Variants in MEGF8 observed in about 807,000 individuals in gnomAD.
The protein encoded by MEGF8 is multiple EGF like domains 8.
MEGF8 carries 156 observed loss-of-function variants against 302.9 expected under a neutral mutation model. The observed-to-expected ratio is 0.52, with a 90% CI of 0.45 to 0.59. The LOEUF (loss-of-function observed/expected upper bound fraction) is 0.59, where lower values mean the gene tolerates loss of function less well. Ranked by LOEUF, MEGF8 falls within the 20% of genes least tolerant of loss-of-function variation. The pLI, the probability that MEGF8 is intolerant of heterozygous loss-of-function variation, is 0.00. For synonymous variants in MEGF8, 1,621 were observed against 1,660.5 expected, an observed-to-expected ratio of 0.98 and a Z score of 0.58; for missense variants, 3,345 against 3,964.5, an observed-to-expected ratio of 0.84 and a Z score of 4.20.
At position 42,356,316 on chromosome 19, in the gene MEGF8, T is replaced by A; in HGVS notation, c.4504-19T>A. 1 of 1,605,664 alleles carries A rather than the reference T, an allele frequency of 6.2e-7. No homozygotes were observed. Among genetic ancestry groups the A allele is most frequent in the Non-Finnish European group, 8.5e-7 (1 of 1,176,692 alleles). On this transcript the variant is annotated intron_variant, in intron 25 of 41. Coordinates refer to ENST00000251268, the MANE Select transcript of MEGF8 (RefSeq NM_001271938.2). The surrounding 1 kb of genome is among the most constrained non-coding windows in gnomAD (Gnocchi z 5.2). Reference sequence around the variant, plus strand: ...GTCCTGACCCTAGCCTGATCCCCAATGTCCGCACCCACCCCTAGGACACTG... The same window carrying A: ...GTCCTGACCCTAGCCTGATCCCCAAAGTCCGCACCCACCCCTAGGACACTG...
chr19:42,334,030 T>TG lies in MEGF8; in HGVS notation c.376dup (p.Ala126GlyfsTer9). On this transcript the variant is annotated frameshift_variant, in exon 3 of 42. Coordinates refer to ENST00000251268, the MANE Select transcript of MEGF8 (RefSeq NM_001271938.2). LOFTEE classifies it high-confidence loss of function. ...AGATGCTGCTGCACCTCTTCAGTGA[T>TG]GCCAACTACAACCTGCTGGGCTTTA... 6.2e-7 allele frequency: 1 copy of TG among 1,613,838 alleles called. No individual in the cohort carries two copies. Among genetic ancestry groups the TG allele is most frequent in the Non-Finnish European group, 8.5e-7 (1 of 1,179,832 alleles).
At position 42,368,534 on chromosome 19, in the gene MEGF8, C is replaced by T. The variant is rs752470473; in HGVS notation, c.6353C>T (p.Ser2118Phe). ...GRLLRGPESC[S>F]LGCAQATQCA... The stretch of plus-strand genomic sequence containing the variant: ...CTGCTCCGGGGACCTGAGAGCTGCT[C>T]CCTGGGCTGTGCTCAGGCAACTCAG... The change falls in exon 36 of 42, where the codon TCC becomes TTC. Residue 2118 changes from serine (S) to phenylalanine (F), a missense_variant. Transcript: ENST00000251268. The surrounding 1 kb of genome is among the most constrained non-coding windows in gnomAD (Gnocchi z 4.9). The T allele has an allele frequency of 1.9e-6, 3 of 1,605,494 alleles. No homozygotes were observed. The highest frequency in any genetic ancestry group is 2.5e-6 in the Non-Finnish European group (3 of 1,176,766).
Position 42,349,583 on chromosome 19 carries a change from C to A in MEGF8, c.2383C>A (p.Pro795Thr), listed in dbSNP as rs919236826. 14 of 1,611,796 alleles carry A rather than the reference C, an allele frequency of 8.7e-6. No homozygotes were observed. In the African/African-American group the frequency reaches 1.7e-4, roughly 20 times the overall value. The change falls in exon 14 of 42, where the codon CCT becomes ACT. Residue 795 changes from proline (P) to threonine (T), a missense_variant. Physicochemically the swap from Pro to Thr is conservative, Grantham distance 38. Coordinates refer to ENST00000251268, the MANE Select transcript of MEGF8 (RefSeq NM_001271938.2). ...RPGSARLFPLPGRDHKYAVEI... is the reference protein window; with the variant it reads ...RPGSARLFPLTGRDHKYAVEI... ...TGGGTCTGCTCGCCTCTTCCCTCTG[C>A]CTGGGCGGGACCACAAGTATGCAGT...
chr19:42,331,301 G>A (rs1291886827), intron 1 of MEGF8, among the ~76,000 whole-genome samples: 4 of 152,186 alleles, frequency 2.6e-5, no homozygotes, highest in Non-Finnish European at 5.9e-5. Flanking sequence ...GTGTCTCCAG[G>A]ATCCAGATAG....
At position 42,376,068 on chromosome 19, in the gene MEGF8, C is replaced by G; in HGVS notation, c.7831C>G (p.Arg2611Gly). 6.2e-7 allele frequency: 1 copy of G among 1,605,066 alleles called. No homozygotes were observed. The highest frequency in any genetic ancestry group is 8.5e-7 in the Non-Finnish European group (1 of 1,178,676). Residue 2611 changes from arginine (R) to glycine (G), a missense_variant, in exon 42 of 42, where the codon CGC becomes GGC. Coordinates refer to ENST00000251268, the MANE Select transcript of MEGF8 (RefSeq NM_001271938.2). This position sits in a 1 kb window ranked among gnomAD's most constrained non-coding sequence, Gnocchi z 8.2. ...PHEHHALKSSRFYLLLLGVGD... is the reference protein window; with the variant it reads ...PHEHHALKSSGFYLLLLGVGD... ...CGAGCACCATGCCCTCAAGTCGAGC[C>G]GCTTCTACCTGCTGCTGCTGGGCGT...
Position 42,335,187 on chromosome 19 carries a change from C to G in MEGF8, c.711C>G (p.Ser237=). 6.2e-7 allele frequency: 1 copy of G among 1,613,966 alleles called. No individual in the cohort carries two copies. The highest frequency in any genetic ancestry group is 8.5e-7 in the Non-Finnish European group (1 of 1,179,864). ...TTGGGGCAGCTGGCGCCTTCCTGTC[C>G]CCACCAGGGCTGCTGGCAGTTTTCG... ...ARIGAAGAFL[S]PPGLLAVFGG... is the part of the protein sequence containing the mutation. Residue 237 remains serine (S), a synonymous_variant, in exon 4 of 42, where the codon TCC becomes TCG. Coordinates refer to ENST00000251268, the MANE Select transcript of MEGF8 (RefSeq NM_001271938.2).
At position 42,359,240 on chromosome 19, in the gene MEGF8, C is replaced by T. The variant is rs1021962670; in HGVS notation, c.5486C>T (p.Thr1829Ile). The change falls in exon 31 of 42, where the codon ACC becomes ATC. Residue 1829 changes from threonine (T) to isoleucine (I), a missense_variant and splice_region_variant. Transcript: ENST00000251268. ...AATGCCTGGCTTCTGCCCGACCTCA[C>T]CCGTAAGTCCCCATTGTGGCTCCCA... Reference protein sequence around the residue: ...NCNAWLLPDLTRSASVGPPME... With the variant: ...NCNAWLLPDLIRSASVGPPME... 3.2e-6 allele frequency: 5 copies of T among 1,555,400 alleles called. No individual in the cohort carries two copies. The Admixed American group carries it at 5.9e-5, about 18-fold the overall frequency.
chr19:42,371,553 G>T, intron 41 of MEGF8, 71 bp downstream of exon 41: 1 of 1,596,244 alleles, frequency 6.3e-7, no homozygotes. Flanking sequence ...GGATGAGGTA[G>T]CCAGGCTCGG....
chr19:42,326,023 G>A lies in MEGF8; in HGVS notation c.-221G>A, dbSNP rs920734712. 2 of 641,318 alleles carry A rather than the reference G, an allele frequency of 3.1e-6. No individual in the cohort carries two copies. Among genetic ancestry groups the A allele is most frequent in the Middle Eastern group, 4.3e-4 (1 of 2,308 alleles). The allele number at this position is 641,318 out of a possible 1,614,324, so 39.7% of individuals were successfully genotyped here. ...CCCGTCCATAATGACTCCATATACA[G>A]GGCCTTCCATCGCTCTATAGGGCTC... On this transcript the variant is annotated 5_prime_UTR_variant, in exon 1 of 42. Coordinates refer to ENST00000251268, the MANE Select transcript of MEGF8 (RefSeq NM_001271938.2).
In MEGF8 at chr19:42,368,256, C is replaced by T. The variant is rs184580940; in HGVS notation, c.6274-199C>T. On this transcript the variant is annotated intron_variant, in intron 35 of 41. Transcript: ENST00000251268. The surrounding 1 kb of genome is among the most constrained non-coding windows in gnomAD (Gnocchi z 4.9). ...CAAGATCCTCCCCAGCCTGACTTCC[C>T]GCCTTGGTGTGTAGTTACAAACGCT... Among the ~76,000 whole-genome samples, 583 of 152,308 alleles carry T rather than the reference C, an allele frequency of 3.8e-3. 3 individuals are homozygous for T. Among genetic ancestry groups the T allele is most frequent in the Non-Finnish European group, 6.6e-3 (448 of 68,032 alleles).
intron 35 of MEGF8, among the ~76,000 whole-genome samples, chr19:42,364,727 A>G (rs1288461745): frequency 3.3e-5 from 5 of 152,298 alleles, no homozygotes; most frequent in East Asian, 3.9e-4. Context: ...TTTGACTCCA[A>G]CTTGGCCACT....
chr19:42,356,826 G>A lies in MEGF8; in HGVS notation c.4675G>A (p.Gly1559Arg), dbSNP rs760852092. 52 of 1,560,334 alleles carry A rather than the reference G, an allele frequency of 3.3e-5. No individual in the cohort carries two copies. The highest frequency in any genetic ancestry group is 1.8e-4 in the Middle Eastern group (1 of 5,698). Residue 1559 changes from glycine (G) to arginine (R), a missense_variant, in exon 27 of 42, where the codon GGG becomes AGG. By Grantham distance (125) the Gly-to-Arg change is moderately radical (BLOSUM62 -2). Transcript: ENST00000251268. The surrounding 1 kb of genome is among the most constrained non-coding windows in gnomAD (Gnocchi z 5.2). ...ACAGATGCTGGCGGGAGCCGAGGAC[G>A]GGGGCCCAGGCCCATCGCCCCGCTC... is the stretch of plus-strand genomic sequence containing the variant. ...WTQMLAGAED[G>R]GPGPSPRSFH...
chr19:42,326,474 C>A, intron 1 of MEGF8, 44 bp downstream of exon 1: 1 of 1,489,152 alleles, frequency 6.7e-7, no homozygotes, highest in Non-Finnish European at 8.9e-7. Flanking sequence ...GCTGGTAGTT[C>A]ATTCATGTGT....
At position 42,335,931 on chromosome 19, in the gene MEGF8, G is replaced by A; in HGVS notation, c.829G>A (p.Ala277Thr). 1.4e-6 allele frequency: 2 copies of A among 1,462,944 alleles called. No individual in the cohort carries two copies. The highest frequency in any genetic ancestry group is 9.0e-7 in the Non-Finnish European group (1 of 1,107,070). The allele number at this position is 1,462,944 out of a possible 1,614,324, so 90.6% of individuals were successfully genotyped here. The change falls in exon 6 of 42, where the codon GCT becomes ACT. Residue 277 changes from alanine to threonine, a missense_variant and splice_region_variant. Ala to Thr is a moderately conservative substitution (Grantham distance 58). Transcript: ENST00000251268. Reference sequence around the variant, plus strand: ...TCTGTCTCTTTTCTCTTCCTCACAGGCTGCCCGTCACTCCCATGTGGCCGT... The same window carrying A: ...TCTGTCTCTTTTCTCTTCCTCACAGACTGCCCGTCACTCCCATGTGGCCGT... ...WESWDLSPAP[A>T]ARHSHVAVAW...
At position 42,354,119 on chromosome 19, in the gene MEGF8, T is replaced by A. The variant is rs534256416; in HGVS notation, c.4011+95T>A. The A allele has an allele frequency of 1.8e-6, 1 of 551,502 alleles. No individual in the cohort carries two copies. Among genetic ancestry groups the A allele is most frequent in the African/African-American group, 2.7e-5 (1 of 36,388 alleles). The allele number at this position is 551,502 out of a possible 1,614,324, so 34.2% of individuals were successfully genotyped here. On this transcript the variant is annotated intron_variant, in intron 22 of 41. Coordinates refer to ENST00000251268, the MANE Select transcript of MEGF8 (RefSeq NM_001271938.2). The surrounding 1 kb of genome is among the most constrained non-coding windows in gnomAD (Gnocchi z 4.3). Reference sequence around the variant, plus strand: ...TCAGACCCTGACCCTAGTATTGCTGTTTTTTTTTTTTTGTTTTTTTAATCC... The same window carrying A: ...TCAGACCCTGACCCTAGTATTGCTGATTTTTTTTTTTTGTTTTTTTAATCC...
In MEGF8 at chr19:42,358,867, C is replaced by G. The variant is rs2039490741; in HGVS notation, c.5256C>G (p.Phe1752Leu). 6.2e-7 allele frequency: 1 copy of G among 1,609,998 alleles called. No homozygotes were observed. Among genetic ancestry groups the G allele is most frequent in the African/African-American group, 1.3e-5 (1 of 74,818 alleles). ...GGGAGCAGCCTGGGTCATGGGGGTTCCGGGAAGTCAGGAAGAAGATGGCTC... is the reference window on the plus strand; with the variant it reads ...GGGAGCAGCCTGGGTCATGGGGGTTGCGGGAAGTCAGGAAGAAGATGGCTC... ...VPGEQPGSWGFREVRKKMALW... is the reference protein window; with the variant it reads ...VPGEQPGSWGLREVRKKMALW... Residue 1752 changes from phenylalanine to leucine, a missense_variant, in exon 30 of 42, where the codon TTC becomes TTG. By Grantham distance (22) the Phe-to-Leu change is conservative. Transcript: ENST00000251268. The surrounding 1 kb of genome is among the most constrained non-coding windows in gnomAD (Gnocchi z 4.4).
Position 42,376,476 on chromosome 19 carries a change from A to G in MEGF8, c.8239A>G (p.Met2747Val), listed in dbSNP as rs780730679. Residue 2747 changes from methionine (M) to valine (V), a missense_variant, in exon 42 of 42, where the codon ATG becomes GTG. Transcript: ENST00000251268. This position sits in a 1 kb window ranked among gnomAD's most constrained non-coding sequence, Gnocchi z 8.2. ...AGGGGCCGGTGGGCCCTGGGGACCCATGGGAGGGGGCTGCTGCCCACCAGC... is the reference window on the plus strand; with the variant it reads ...AGGGGCCGGTGGGCCCTGGGGACCCGTGGGAGGGGGCTGCTGCCCACCAGC... ...LTGAGGPWGPMGGGCCPPAIP... is the reference protein window; with the variant it reads ...LTGAGGPWGPVGGGCCPPAIP... The G allele has an allele frequency of 2.5e-6, 4 of 1,603,798 alleles. No individual in the cohort carries two copies. Among genetic ancestry groups the G allele is most frequent in the Non-Finnish European group, 3.4e-6 (4 of 1,176,978 alleles).
intron 1 of MEGF8, among the ~76,000 whole-genome samples, chr19:42,327,310 G>A (rs977350239): frequency 1.3e-5 from 2 of 152,222 alleles, no homozygotes; most frequent in African/African-American, 4.8e-5. Context: ...AATCCCTGGT[G>A]ACTTAGGTCT....
rs563168077 is a variant in MEGF8 at position 42,356,382 on chromosome 19, T to C, written c.4551T>C (p.Asp1517=). Residue 1517 remains aspartate (D), a synonymous_variant, in exon 26 of 42, where the codon GAT becomes GAC. Transcript: ENST00000251268. This position sits in a 1 kb window ranked among gnomAD's most constrained non-coding sequence, Gnocchi z 5.2. The stretch of plus-strand genomic sequence containing the variant: ...ACCGCCTGGGCCACACCATGGTGGA[T>C]GGACCCGATGCCACCTTGTGGATGT... ...FLHRLGHTMV[D]GPDATLWMFG... The C allele has an allele frequency of 6.2e-7, 1 of 1,613,232 alleles. No individual in the cohort carries two copies. The highest frequency in any genetic ancestry group is 8.5e-7 in the Non-Finnish European group (1 of 1,179,602).
Sources: gnomAD v4.1 joint callset for allele counts (sites outside exome capture counted in the v4.1 genomes callset) on GRCh38, gnomAD v4.1.1 for gene constraint, Gnocchi (gnomAD v3.1) non-coding constraint, MANE v1.5 for transcripts, NCBI Gene and HGNC (gene_info 2026-07-23, HGNC 2026-07-21) for gene names.